SGPP1: variants seen among roughly 807,000 people sequenced by gnomAD.
SGPP1 encodes sphingosine-1-phosphate phosphatase 1, also known as hSPP1.
A neutral mutation model predicts 33.0 loss-of-function variants in SGPP1; 21 were observed. The ratio of observed to expected loss-of-function variants is 0.64; its 90% CI spans 0.45 to 0.92. The LOEUF (loss-of-function observed/expected upper bound fraction) is 0.92. Among genes scored for constraint, SGPP1 ranks in the 40% least tolerant of loss-of-function variants. SGPP1 has a pLI of 0.00. For missense variants in SGPP1, 543 were observed against 589.4 expected, an observed-to-expected ratio of 0.92 and a Z score of 0.81; for synonymous variants, 239 against 241.2, an observed-to-expected ratio of 0.99 and a Z score of 0.08.
intron 1 of SGPP1, among the ~76,000 whole-genome samples, chr14:63,715,026 C>CTTT (rs1164699481): frequency 3.0e-5 from 4 of 132,710 alleles, no homozygotes; most frequent in Non-Finnish European, 4.9e-5. Flanking sequence ...CCCAGCCGAC[C>CTTT]TTTTTTTTTT....
intron 1 of SGPP1, among the ~76,000 whole-genome samples, chr14:63,721,856 C>CA (rs1329342613): frequency 2.6e-5 from 4 of 152,130 alleles, no homozygotes; most frequent in Non-Finnish European, 5.9e-5. Context: ...GTTTAAAACA[C>CA]AAATATTTGT....
intron 1 of SGPP1, among the ~76,000 whole-genome samples, chr14:63,719,236 C>T (rs1885718583): frequency 6.7e-6 from 1 of 150,210 alleles, no homozygotes; most frequent in African/African-American, 2.4e-5. Flanking sequence ...CATGTCTGAC[C>T]TCGGCTGATC....
chr14:63,698,380 T>C (rs1402798469), intron 2 of SGPP1, among the ~76,000 whole-genome samples, 189 bp downstream of exon 2: 2 of 152,236 alleles, frequency 1.3e-5, no homozygotes, highest in Non-Finnish European at 2.9e-5. Flanking sequence ...AAACTGTTTC[T>C]ATGAAATATG....
In SGPP1 at chr14:63,727,564, C is replaced by A; in HGVS notation, c.381G>T (p.Pro127=). The change falls in exon 1 of 3, where the codon CCG becomes CCT. Residue 127 remains proline (P), a synonymous_variant. Coordinates refer to ENST00000247225, the MANE Select transcript of SGPP1 (RefSeq NM_030791.4). ...TGCCGAAGCAGAACAGGCAGTAGAGCGGCCAGTTGCTCACGCGGGCCAGCT... is the reference window on the plus strand; with the variant it reads ...TGCCGAAGCAGAACAGGCAGTAGAGAGGCCAGTTGCTCACGCGGGCCAGCT... ...EGQLARVSNW[P]LYCLFCFGTE... 4 of 1,603,734 alleles carry A rather than the reference C, an allele frequency of 2.5e-6. No homozygotes were observed. Among genetic ancestry groups the A allele is most frequent in the Middle Eastern group, 1.7e-4 (1 of 6,044 alleles).
At chr14:63,693,861 T>C (rs1273245685) in intron 2 of SGPP1, among the ~76,000 whole-genome samples, 10 of 152,220 alleles carry the variant, frequency 6.6e-5, no homozygotes, top group Non-Finnish European at 1.5e-4. Flanking sequence ...GCCTTGCAAA[T>C]TGTTGGGATT....
chr14:63,693,523 C>T (rs1227120300), intron 2 of SGPP1, among the ~76,000 whole-genome samples: 1 of 152,198 alleles, frequency 6.6e-6, no homozygotes, highest in Non-Finnish European at 1.5e-5. Context: ...CAAATGACAA[C>T]TGATAAGCTA....
At chr14:63,722,262 T>C (rs1215636408) in intron 1 of SGPP1, among the ~76,000 whole-genome samples, 1 of 151,488 alleles carries the variant, frequency 6.6e-6, no homozygotes, top group African/African-American at 2.4e-5. Flanking sequence ...CAGTGGCTCA[T>C]GCCTGTAATC....
intron 1 of SGPP1, among the ~76,000 whole-genome samples, chr14:63,708,821 C>A (rs940546630): frequency 2.0e-5 from 3 of 152,144 alleles, no homozygotes; most frequent in African/African-American, 7.2e-5. Context: ...TGCGGCACAG[C>A]AGGGTCAAAT....
At chr14:63,710,103 G>T (rs73265735) in intron 1 of SGPP1, among the ~76,000 whole-genome samples, 2,061 of 152,288 alleles carry the variant, frequency 0.014, 55 homozygotes, top group African/African-American at 0.047. Flanking sequence ...GGAATGAATA[G>T]TGTACATGTA....
intron 1 of SGPP1, among the ~76,000 whole-genome samples, chr14:63,706,863 C>T (rs964289128): frequency 4.6e-5 from 7 of 151,718 alleles, no homozygotes; most frequent in Admixed American, 1.3e-4. Context: ...GCTAATGTGG[C>T]GAAACCTTGT....
chr14:63,694,590 C>G (rs534562253), intron 2 of SGPP1, among the ~76,000 whole-genome samples: 1 of 152,114 alleles, frequency 6.6e-6, no homozygotes, highest in African/African-American at 2.4e-5. Flanking sequence ...ATATTGAACT[C>G]CTATCCAATA....
In SGPP1 at chr14:63,685,972, T is replaced by TA. The variant is rs1884963476; in HGVS notation, c.*132dup. The TA allele has an allele frequency of 5.2e-6, 3 of 574,530 alleles. No individual in the cohort carries two copies. Among genetic ancestry groups the TA allele is most frequent in the Non-Finnish European group, 9.0e-6 (3 of 333,660 alleles). The allele number at this position is 574,530 out of a possible 1,614,324, so 35.6% of individuals were successfully genotyped here. ...TGCAATGATAAAATGCACTGACTCT[T>TA]ATGAATTTACTTAAATAATTATTTA... On this transcript the variant is annotated 3_prime_UTR_variant, in exon 3 of 3. Transcript: ENST00000247225.
At chr14:63,713,855 T>C (rs578105574) in intron 1 of SGPP1, among the ~76,000 whole-genome samples, 11 of 152,312 alleles carry the variant, frequency 7.2e-5, no homozygotes, top group African/African-American at 2.6e-4. Flanking sequence ...TAAAGCATCA[T>C]TTTGGGTGTG....
At chr14:63,723,264 C>G (rs1342713313) in intron 1 of SGPP1, among the ~76,000 whole-genome samples, 1 of 152,040 alleles carries the variant, frequency 6.6e-6, no homozygotes, top group Non-Finnish European at 1.5e-5. Context: ...AATATGAGAG[C>G]AATAACCATT....
chr14:63,696,510 A>G (rs1228761507), intron 2 of SGPP1, among the ~76,000 whole-genome samples: 2 of 152,226 alleles, frequency 1.3e-5, no homozygotes. Context: ...AATAACTCTA[A>G]AAAGACACAG....
chr14:63,691,165 A>G (rs563244921), intron 2 of SGPP1, among the ~76,000 whole-genome samples: 1 of 152,238 alleles, frequency 6.6e-6, no homozygotes, highest in Non-Finnish European at 1.5e-5. Flanking sequence ...CAGGTCAAGG[A>G]AAGATATTAC....
chr14:63,688,528 C>T (rs543350595), intron 2 of SGPP1, among the ~76,000 whole-genome samples: 1 of 151,938 alleles, frequency 6.6e-6, no homozygotes, highest in South Asian at 2.1e-4. Context: ...TGACAACATA[C>T]AAAAATGTTC....
chr14:63,706,895 T>C (rs1262075882), intron 1 of SGPP1, among the ~76,000 whole-genome samples: 1 of 151,836 alleles, frequency 6.6e-6, no homozygotes, highest in Admixed American at 6.6e-5. Flanking sequence ...ATACAAAAAT[T>C]AGCTGGGCCT....
chr14:63,709,614 T>G (rs17101374), intron 1 of SGPP1, among the ~76,000 whole-genome samples: 2 of 152,112 alleles, frequency 1.3e-5, no homozygotes, highest in African/African-American at 4.8e-5. Flanking sequence ...GCTGTATCTG[T>G]GGCATTTATG....
Sources: gnomAD v4.1 joint callset for allele counts (sites outside exome capture counted in the v4.1 genomes callset) on GRCh38, gnomAD v4.1.1 for gene constraint, MANE v1.5 for transcripts, NCBI Gene and HGNC (gene_info 2026-07-23, HGNC 2026-07-21) for gene names.